Variants in KCNA2 observed in about 807,000 individuals in gnomAD.
KCNA2 encodes potassium channel, voltage gated shaker related subfamily A, member 2.
KCNA2 carries 11 observed loss-of-function variants against 33.4 expected under a neutral mutation model. The observed-to-expected ratio is 0.33, with a 90% CI of 0.21 to 0.55. The LOEUF is 0.55. Ranked by LOEUF, KCNA2 falls within the 20% of genes least tolerant of loss-of-function variation. KCNA2 has a pLI of 0.93. For synonymous variants in KCNA2, 222 were observed against 231.3 expected (o/e 0.96, Z 0.37); for missense variants, 291 against 621.6 (o/e 0.47, Z 5.66).
intron 1 of KCNA2, among the ~76,000 whole-genome samples, chr1:110,628,628 G>C (rs1276251745): frequency 6.6e-6 from 1 of 152,150 alleles, no homozygotes; most frequent in Non-Finnish European, 1.5e-5. Flanking sequence ...GACTTAAACA[G>C]GTGCCCCATA....
At chr1:110,628,509 G>T (rs1650460665) in intron 1 of KCNA2, among the ~76,000 whole-genome samples, 1 of 152,158 alleles carries the variant, frequency 6.6e-6, no homozygotes. Context: ...AAATGAGAGA[G>T]CAAAACTCCC....
rs144327526 is a variant in KCNA2 at position 110,593,759 on chromosome 1, G to A, written c.*9524C>T. 7.5e-6 allele frequency: 8 copies of A among 1,066,174 alleles called. No individual in the cohort carries two copies. The highest frequency in any genetic ancestry group is 6.7e-5 in the South Asian group (4 of 59,304). 66.0% of individuals were successfully genotyped at this position (1,066,174 alleles called of 1,614,324 possible). ...AGGCAATGTTCATTGAGGCACATATGTACACATATATGTATAACCTATGTA... is the reference window on the plus strand; with the variant it reads ...AGGCAATGTTCATTGAGGCACATATATACACATATATGTATAACCTATGTA... On this transcript the variant is annotated 3_prime_UTR_variant, in exon 3 of 3. Transcript: ENST00000316361.
rs1009693650 is a variant in KCNA2, at chr1:110,602,924, G to A, written c.*359C>T. ...GGCTCAAATAAGGTGGTGGGATGGT[G>A]GGGAGGGGAGTGCATCTCTTGGATG... On this transcript the variant is annotated 3_prime_UTR_variant, in exon 3 of 3. Coordinates refer to ENST00000316361, the MANE Select transcript of KCNA2 (RefSeq NM_004974.4). 1 of 1,055,558 alleles carries A rather than the reference G, an allele frequency of 9.5e-7. No homozygotes were observed. Among genetic ancestry groups the A allele is most frequent in the Non-Finnish European group, 1.1e-6 (1 of 875,958 alleles). 65.4% of individuals were successfully genotyped at this position (1,055,558 alleles called of 1,614,324 possible).
rs1459168437 is a variant in KCNA2 at position 110,597,687 on chromosome 1, C to A, written c.*5596G>T. The A allele has an allele frequency of 1.0e-6, 1 of 985,368 alleles. No individual in the cohort carries two copies. The highest frequency in any genetic ancestry group is 1.7e-5 in the African/African-American group (1 of 57,342). The allele number at this position is 985,368 out of a possible 1,614,324, so 61.0% of individuals were successfully genotyped here. On this transcript the variant is annotated 3_prime_UTR_variant, in exon 3 of 3. Transcript: ENST00000316361. ...AAACTACAGAGACTGTGAATGAGCC[C>A]CCAGAAGTCAAGGGCATTATCTGAT...
intron 1 of KCNA2, among the ~76,000 whole-genome samples, chr1:110,613,308 G>A (rs771892098): frequency 6.6e-6 from 1 of 152,224 alleles, no homozygotes; most frequent in African/African-American, 2.4e-5. Flanking sequence ...TGAGGGGCCT[G>A]TGTCCATCTG....
At position 110,598,289 on chromosome 1, in the gene KCNA2, C is replaced by A; in HGVS notation, c.*4994G>T. 1.3e-6 allele frequency: 1 copy of A among 773,066 alleles called. No individual in the cohort carries two copies. The highest frequency in any genetic ancestry group is 1.6e-6 in the Non-Finnish European group (1 of 636,242). 47.9% of individuals were successfully genotyped at this position (773,066 alleles called of 1,614,324 possible). ...GGGAGCAGAGCTCAGCACCATCATC[C>A]CCTCTCTTGAGTAAACAAGTCAAAG... On this transcript the variant is annotated 3_prime_UTR_variant, in exon 3 of 3. Coordinates refer to ENST00000316361, the MANE Select transcript of KCNA2 (RefSeq NM_004974.4).
upstream of KCNA2, among the ~76,000 whole-genome samples, chr1:110,607,040 T>C (rs1055025035): frequency 1.3e-5 from 2 of 151,004 alleles, no homozygotes; most frequent in African/African-American, 4.9e-5. Context: ...TTCTGTGCAC[T>C]CTTCTTGAGC....
At position 110,594,394 on chromosome 1, in the gene KCNA2, T is replaced by C. The variant is rs1649007108; in HGVS notation, c.*8889A>G. 1.0e-6 allele frequency: 1 copy of C among 984,380 alleles called. No homozygotes were observed. The highest frequency in any genetic ancestry group is 1.2e-6 in the Non-Finnish European group (1 of 829,836). The allele number at this position is 984,380 out of a possible 1,614,324, so 61.0% of individuals were successfully genotyped here. A position where few individuals can be genotyped will look rare whatever the true frequency, so the allele number is the denominator to read the frequency against. On this transcript the variant is annotated 3_prime_UTR_variant, in exon 3 of 3. Transcript: ENST00000316361. ...TCCAGAGGCAGCCTATATAAGCACA[T>C]AAGCACACAGGTCTGGAAAAGGAAA...
In KCNA2 at chr1:110,594,947, T is replaced by G. The variant is rs1649033957; in HGVS notation, c.*8336A>C. The G allele has an allele frequency of 2.4e-5, 24 of 985,466 alleles. No individual in the cohort carries two copies. Among genetic ancestry groups the G allele is most frequent in the Non-Finnish European group, 2.5e-5 (21 of 829,958 alleles). 61.0% of individuals were successfully genotyped at this position (985,466 alleles called of 1,614,324 possible). ...TGGTAGCAAAGTGCGCCCCTGAATA[T>G]TCTCTTCCTCCCAGCTCCTCCTATT... On this transcript the variant is annotated 3_prime_UTR_variant, in exon 3 of 3. Transcript: ENST00000316361.
rs115394770 is a variant in KCNA2 at position 110,600,645 on chromosome 1, C to T, written c.*2638G>A. On this transcript the variant is annotated 3_prime_UTR_variant, in exon 3 of 3. Transcript: ENST00000316361. ...ATTTTAGAGTCCTGGGCCAAGGACACTGTGATAAGATATCTATCCCTGACC... is the reference window on the plus strand; with the variant it reads ...ATTTTAGAGTCCTGGGCCAAGGACATTGTGATAAGATATCTATCCCTGACC... 714 of 985,376 alleles carry T rather than the reference C, an allele frequency of 7.2e-4. 2 individuals are homozygous for T. In the African/African-American group the frequency reaches 0.012, roughly 16 times the overall value. The allele number at this position is 985,376 out of a possible 1,614,324, so 61.0% of individuals were successfully genotyped here.
At position 110,594,002 on chromosome 1, in the gene KCNA2, C is replaced by T. The variant is rs1189143446; in HGVS notation, c.*9281G>A. 1.1e-5 allele frequency: 17 copies of T among 1,544,578 alleles called. No individual in the cohort carries two copies. Among genetic ancestry groups the T allele is most frequent in the South Asian group, 2.4e-5 (2 of 82,968 alleles). On this transcript the variant is annotated 3_prime_UTR_variant, in exon 3 of 3. Coordinates refer to ENST00000316361, the MANE Select transcript of KCNA2 (RefSeq NM_004974.4). ...TGAGTCTTCCCCGCAAGTCCTGCTC[C>T]GCCTTCAGCTCTCATTGGTCCCCAG...
Position 110,602,312 on chromosome 1 carries a change from T to C in KCNA2, c.*971A>G. On this transcript the variant is annotated 3_prime_UTR_variant, in exon 3 of 3. Coordinates refer to ENST00000316361, the MANE Select transcript of KCNA2 (RefSeq NM_004974.4). ...CCCTAGTTCAAGACCATTCCAAGCC[T>C]ATTAATACTCTAAATATTAACACTG... 3 of 1,449,360 alleles carry C rather than the reference T, an allele frequency of 2.1e-6. No individual in the cohort carries two copies. Among genetic ancestry groups the C allele is most frequent in the Non-Finnish European group, 2.7e-6 (3 of 1,107,366 alleles). 89.8% of individuals were successfully genotyped at this position (1,449,360 alleles called of 1,614,324 possible).
chr1:110,609,994 C>G (rs149880310), upstream of KCNA2, among the ~76,000 whole-genome samples: 30 of 152,328 alleles, frequency 2.0e-4, no homozygotes, highest in African/African-American at 7.0e-4. Context: ...AATGGACAGC[C>G]AGCTAACTTA....
chr1:110,599,516 C>T lies in KCNA2; in HGVS notation c.*3767G>A, dbSNP rs1450278849. ...GGATTGAACACACCCAGAGGGGAAT[C>T]AGGAGTTGGCCCCTTTGGGCTTATG... On this transcript the variant is annotated 3_prime_UTR_variant, in exon 3 of 3. Coordinates refer to ENST00000316361, the MANE Select transcript of KCNA2 (RefSeq NM_004974.4). 1.0e-6 allele frequency: 1 copy of T among 984,912 alleles called. No individual in the cohort carries two copies. Among genetic ancestry groups the T allele is most frequent in the Non-Finnish European group, 1.2e-6 (1 of 829,842 alleles). The allele number at this position is 984,912 out of a possible 1,614,324, so 61.0% of individuals were successfully genotyped here.
At chr1:110,629,952 G>A (rs558184392) in intron 1 of KCNA2, among the ~76,000 whole-genome samples, 1 of 150,632 alleles carries the variant, frequency 6.6e-6, no homozygotes, top group African/African-American at 2.5e-5. Flanking sequence ...ACTGGAAGAA[G>A]CGTTTTTTTA....
intron 1 of KCNA2, among the ~76,000 whole-genome samples, chr1:110,616,540 T>C (rs1181344765): frequency 3.9e-5 from 6 of 152,198 alleles, no homozygotes; most frequent in African/African-American, 1.4e-4. Flanking sequence ...TAAGCCAGCA[T>C]GGTTCCTAAG....
At chr1:110,605,145 T>C (rs530646417) in intron 2 of KCNA2, among the ~76,000 whole-genome samples, 200 bp from the exon 3 acceptor site, 1 of 152,254 alleles carries the variant, frequency 6.6e-6, no homozygotes, top group South Asian at 2.1e-4. Context: ...TCCAGGAACC[T>C]CTGGAATGCC....
At position 110,594,044 on chromosome 1, in the gene KCNA2, A is replaced by G; in HGVS notation, c.*9239T>C. 1 of 1,515,104 alleles carries G rather than the reference A, an allele frequency of 6.6e-7. No individual in the cohort carries two copies. The highest frequency in any genetic ancestry group is 8.8e-7 in the Non-Finnish European group (1 of 1,132,626). The allele number at this position is 1,515,104 out of a possible 1,614,324, so 93.9% of individuals were successfully genotyped here. A position where few individuals can be genotyped will look rare whatever the true frequency, so the allele number is the denominator to read the frequency against. On this transcript the variant is annotated 3_prime_UTR_variant, in exon 3 of 3. Coordinates refer to ENST00000316361, the MANE Select transcript of KCNA2 (RefSeq NM_004974.4). ...GGTCCCCAGCCTCTTATCACCATGG[A>G]GACCCCAGTTCCCTTTCGGCATCAT...
chr1:110,607,409 C>A (rs1649703667), upstream of KCNA2: 1 of 151,672 alleles, frequency 6.6e-6, no homozygotes, highest in African/African-American at 2.4e-5. Flanking sequence ...CGCCCGCAGC[C>A]GCACCGCGCC....
Sources: allele counts gnomAD v4.1 joint callset (sites outside exome capture counted in the v4.1 genomes callset), GRCh38; gene constraint gnomAD v4.1.1; transcripts MANE v1.5; gene names NCBI Gene and HGNC (gene_info 2026-07-23, HGNC 2026-07-21).